The following NBAS variants were observed in gnomAD, a reference collection of about 807,000 sequenced individuals.
NBAS encodes the protein NBAS subunit of NRZ tethering complex.
In NBAS, 219 loss-of-function variants were observed where a neutral mutation model predicts 302.5. The observed-to-expected ratio is 0.72, with a 90% CI of 0.65 to 0.81. The LOEUF (loss-of-function observed/expected upper bound fraction) is 0.81. Among genes scored for constraint, NBAS ranks in the 30% least tolerant of loss-of-function variants. The pLI is 0.00. For missense variants in NBAS, 2,932 were observed against 2,841.6 expected, an observed-to-expected ratio of 1.03 and a Z score of -0.72; for synonymous variants, 1,118 against 1,021.6, an observed-to-expected ratio of 1.09 and a Z score of -1.80.
At chr2:15,173,463 G>A (rs572381501) in intron 51 of NBAS, among the ~76,000 whole-genome samples, 1 of 152,114 alleles carries the variant, frequency 6.6e-6, no homozygotes, top group East Asian at 1.9e-4. Flanking sequence ...TATTTGTCTT[G>A]TTCTCATATA....
chr2:15,339,774 T>C (rs577678840), intron 35 of NBAS, among the ~76,000 whole-genome samples: 1 of 152,168 alleles, frequency 6.6e-6, no homozygotes, highest in Non-Finnish European at 1.5e-5. Flanking sequence ...AAGATCTCCA[T>C]GAAGTGACAT....
chr2:15,379,527 G>A, intron 30 of NBAS, 75 bp downstream of exon 30: 1 of 1,414,730 alleles, frequency 7.1e-7, no homozygotes, highest in Non-Finnish European at 9.9e-7. Flanking sequence ...ATTTGGTAAA[G>A]AAAAGAATAA....
the NBAS span, among the ~76,000 whole-genome samples, chr2:15,023,421 T>TA: frequency 6.6e-6 from 1 of 152,236 alleles, no homozygotes; most frequent in African/African-American, 2.4e-5. Context: ...ATTTAATAGT[T>TA]ACATTACGTG....
chr2:15,384,246 T>A (rs1224535191), intron 28 of NBAS, among the ~76,000 whole-genome samples: 2 of 152,214 alleles, frequency 1.3e-5, no homozygotes, highest in Non-Finnish European at 2.9e-5. Context: ...GGAAAGGGTT[T>A]TGTTCCCAAA....
chr2:15,099,403 C>A, the NBAS span, among the ~76,000 whole-genome samples: 2 of 151,912 alleles, frequency 1.3e-5, no homozygotes, highest in Non-Finnish European at 1.5e-5. Flanking sequence ...AAATATCCTA[C>A]AATGGACATA....
At chr2:15,551,614 T>A in intron 5 of NBAS, 78 bp from the exon 6 acceptor site, 1 of 1,076,470 alleles carries the variant, frequency 9.3e-7, no homozygotes, top group Non-Finnish European at 1.4e-6. Context: ...TACTGTGGAC[T>A]AGACAGCCTC....
At chr2:15,357,164 G>A (rs1673659505) in intron 32 of NBAS, among the ~76,000 whole-genome samples, 1 of 152,148 alleles carries the variant, frequency 6.6e-6, no homozygotes, top group Admixed American at 6.5e-5. Flanking sequence ...CCTTACCACA[G>A]TGATTCTTCT....
At chr2:15,093,057 C>G in the NBAS span, among the ~76,000 whole-genome samples, 2 of 152,190 alleles carry the variant, frequency 1.3e-5, no homozygotes, top group African/African-American at 4.8e-5. Flanking sequence ...CCTCCGTGAG[C>G]CTGCTCTGGC....
At chr2:15,318,509 G>A (rs1558529815) in intron 38 of NBAS, among the ~76,000 whole-genome samples, 1 of 152,128 alleles carries the variant, frequency 6.6e-6, no homozygotes, top group South Asian at 2.1e-4. Flanking sequence ...CCCATCTCAC[G>A]TGTAGAGTCA....
chr2:14,988,482 T>A, the NBAS span, among the ~76,000 whole-genome samples: 1 of 152,210 alleles, frequency 6.6e-6, no homozygotes, highest in Non-Finnish European at 1.5e-5. Flanking sequence ...TCAAGAAGAA[T>A]CTGTGAGAAA....
the NBAS span, among the ~76,000 whole-genome samples, chr2:15,019,211 A>G: frequency 6.6e-6 from 1 of 152,226 alleles, no homozygotes; most frequent in Non-Finnish European, 1.5e-5. Flanking sequence ...GAGCCCTGAT[A>G]CAGACATTGT....
At chr2:15,318,998 G>C (rs957805131) in intron 38 of NBAS, among the ~76,000 whole-genome samples, 1 of 152,162 alleles carries the variant, frequency 6.6e-6, no homozygotes, top group Non-Finnish European at 1.5e-5. Flanking sequence ...ATAATTGGAA[G>C]TAAAACACTC....
At position 15,218,902 on chromosome 2, in the gene NBAS, C is replaced by A; in HGVS notation, c.6303G>T (p.Trp2101Cys). ...WLRPFCADDA[W>C]PVRPRIHVLQ... ...GCACGTGAATGCGGGGCCGCACCGG[C>A]CAGGCGTCATCAGCACAGAAAGGCC... The change falls in exon 48 of 52, where the codon TGG becomes TGT. Residue 2101 changes from tryptophan (W) to cysteine (C), a missense_variant. Transcript: ENST00000281513. 2 of 1,614,246 alleles carry A rather than the reference C, an allele frequency of 1.2e-6. No homozygotes were observed. Among genetic ancestry groups the A allele is most frequent in the Middle Eastern group, 1.6e-4 (1 of 6,062 alleles).
At chr2:15,098,971 A>G in the NBAS span, among the ~76,000 whole-genome samples, 2 of 151,514 alleles carry the variant, frequency 1.3e-5, no homozygotes, top group African/African-American at 4.9e-5. Flanking sequence ...ACACATATAT[A>G]TATACACACA....
intron 11 of NBAS, among the ~76,000 whole-genome samples, chr2:15,492,016 C>T (rs942599124): frequency 1.2e-4 from 19 of 152,286 alleles, no homozygotes; most frequent in African/African-American, 4.6e-4. Context: ...ATGGTGGATA[C>T]TTGATCCCCT....
chr2:14,789,085 A>T, the NBAS span, among the ~76,000 whole-genome samples: 110 of 152,198 alleles, frequency 7.2e-4, 1 homozygote, highest in South Asian at 0.022. Flanking sequence ...TTGATCTCAG[A>T]CTGCTGTGCT....
At chr2:14,801,361 T>A in the NBAS span, among the ~76,000 whole-genome samples, 12 of 152,106 alleles carry the variant, frequency 7.9e-5, no homozygotes, top group African/African-American at 2.9e-4. Flanking sequence ...TTTAAAAAAT[T>A]TTTTGTGTTT....
At chr2:15,442,729 G>A (rs1349742524) in intron 21 of NBAS, among the ~76,000 whole-genome samples, 1 of 151,684 alleles carries the variant, frequency 6.6e-6, no homozygotes, top group African/African-American at 2.4e-5. Context: ...TTTTTTGAAA[G>A]GATCAACAAA....
chr2:15,109,622 G>A, the NBAS span, among the ~76,000 whole-genome samples: 1 of 152,120 alleles, frequency 6.6e-6, no homozygotes, highest in African/African-American at 2.4e-5. Context: ...CAGTCAGGGG[G>A]TGGTGAGCAC....
Sources: gnomAD v4.1 joint callset for allele counts (sites outside exome capture counted in the v4.1 genomes callset) on GRCh38, gnomAD v4.1.1 for gene constraint, MANE v1.5 for transcripts, NCBI Gene and HGNC (gene_info 2026-07-23, HGNC 2026-07-21) for gene names.